CCDC27: variants seen among roughly 807,000 people sequenced by gnomAD.
CCDC27 encodes coiled-coil domain-containing protein 27.
Under a neutral mutation model 80.3 loss-of-function variants are expected in CCDC27, and 80 were observed. The observed-to-expected ratio is 1.00, with a 90% CI of 0.83 to 1.20. The LOEUF (loss-of-function observed/expected upper bound fraction) is 1.20. Ranked by LOEUF, CCDC27 falls within the 50% of genes most tolerant of loss-of-function variation. The pLI is 0.00. For missense variants in CCDC27, 815 were observed against 809.4 expected, an observed-to-expected ratio of 1.01 and a Z score of -0.08; for synonymous variants, 342 against 334.3, an observed-to-expected ratio of 1.02 and a Z score of -0.25.
In CCDC27 at chr1:3,769,366, A is replaced by G. The variant is rs1053872105; in HGVS notation, c.1744-417A>G. ...ACCAGCAGCGCACTGTTAAATGCCT[A>G]AAGTGAGAGTGTCCCCAAGGGCCAG... is the stretch of plus-strand genomic sequence containing the variant. On this transcript the variant is annotated intron_variant, in intron 10 of 11. Coordinates refer to ENST00000294600, the MANE Select transcript of CCDC27 (RefSeq NM_152492.3). This position sits in a 1 kb window ranked among gnomAD's most constrained non-coding sequence, Gnocchi z 4.6. Among the ~76,000 whole-genome samples, 1 of 152,198 alleles carries G rather than the reference A, an allele frequency of 6.6e-6. No homozygotes were observed. The highest frequency in any genetic ancestry group is 1.5e-5 in the Non-Finnish European group (1 of 68,030).
At chr1:3,765,063 G>A (rs1435938932) in intron 8 of CCDC27, among the ~76,000 whole-genome samples, 2 of 152,108 alleles carry the variant, frequency 1.3e-5, no homozygotes, top group Middle Eastern at 3.4e-3. Flanking sequence ...CGATGAACAG[G>A]GGTAAAGTTT....
Position 3,752,801 on chromosome 1 carries a change from T to C in CCDC27, c.318+2T>C, listed in dbSNP as rs149388135. 1 of 1,609,332 alleles carries C rather than the reference T, an allele frequency of 6.2e-7. No homozygotes were observed. The highest frequency in any genetic ancestry group is 8.5e-7 in the Non-Finnish European group (1 of 1,176,868). On this transcript the variant is annotated splice_donor_variant, in intron 1 of 11. Coordinates refer to ENST00000294600, the MANE Select transcript of CCDC27 (RefSeq NM_152492.3). LOFTEE classifies it high-confidence loss of function. ...ATCAGCCGCTACTACAGGAAGACGG[T>C]ATGGGGTCCCGGGAGGAGGGCTGCC...
chr1:3,758,542 G>A (rs1048908339), intron 4 of CCDC27, among the ~76,000 whole-genome samples: 10 of 152,176 alleles, frequency 6.6e-5, no homozygotes, highest in Non-Finnish European at 5.9e-5. Flanking sequence ...GCAATGGCAC[G>A]ATCAGAGCTC....
Position 3,763,667 on chromosome 1 carries a change from C to T in CCDC27, c.1322-39C>T, listed in dbSNP as rs764511793. On this transcript the variant is annotated intron_variant, in intron 7 of 11. Coordinates refer to ENST00000294600, the MANE Select transcript of CCDC27 (RefSeq NM_152492.3). The surrounding 1 kb of genome is among the most constrained non-coding windows in gnomAD (Gnocchi z 7.5). ...CCTCTCCTTCTGTCCCTCACTGCCC[C>T]TGCTTGCTCCTGCTCACCGCCTCTG... The T allele has an allele frequency of 1.2e-6, 2 of 1,612,238 alleles. No individual in the cohort carries two copies. The highest frequency in any genetic ancestry group is 1.1e-5 in the South Asian group (1 of 90,862).
At chr1:3,757,740 G>A (rs546856490) in intron 4 of CCDC27, among the ~76,000 whole-genome samples, 5 of 151,982 alleles carry the variant, frequency 3.3e-5, no homozygotes, top group African/African-American at 4.8e-5. Context: ...TGGCTAACAC[G>A]CGAAACCCCG....
Position 3,767,337 on chromosome 1 carries a change from C to T in CCDC27, c.1635C>T (p.Asn545=). The change falls in exon 10 of 12, where the codon AAC becomes AAT. Residue 545 remains asparagine (N), a synonymous_variant. Coordinates refer to ENST00000294600, the MANE Select transcript of CCDC27 (RefSeq NM_152492.3). ...AGGAGCAGGTGGAACTGGACCAGAA[C>T]CACCTGCAGAGGTGGAAGCAGCTGC... is the stretch of plus-strand genomic sequence containing the variant. The part of the protein sequence containing the change: ...QLQEQVELDQ[N]HLQRWKQLQE... 2 of 1,613,998 alleles carry T rather than the reference C, an allele frequency of 1.2e-6. No homozygotes were observed. The highest frequency in any genetic ancestry group is 1.1e-5 in the South Asian group (1 of 91,088).
In CCDC27 at chr1:3,769,193, T is replaced by A; in HGVS notation, c.1744-590T>A. 6.6e-6 allele frequency among the ~76,000 whole-genome samples: 1 copy of A among 152,116 alleles called. No homozygotes were observed. The highest frequency in any genetic ancestry group is 1.9e-4 in the East Asian group (1 of 5,188). ...CCTGGGAGGCACGATTAGCTACCTC[T>A]GGGGAGGCGGCTGCGGGTGTACAGG... On this transcript the variant is annotated intron_variant, in intron 10 of 11. Coordinates refer to ENST00000294600, the MANE Select transcript of CCDC27 (RefSeq NM_152492.3). This position sits in a 1 kb window ranked among gnomAD's most constrained non-coding sequence, Gnocchi z 4.6.
chr1:3,763,405 T>C lies in CCDC27; in HGVS notation c.1252T>C (p.Tyr418His). ...GGAGCTGCTGGCCCAGCTGGAGGAG[T>C]ACGAGCAGGTCATCCTGGACTTCCA... is the stretch of plus-strand genomic sequence containing the variant. Reference protein sequence around the residue: ...EEELLAQLEEYEQVILDFQFN... With the variant: ...EEELLAQLEEHEQVILDFQFN... The change falls in exon 7 of 12, where the codon TAC becomes CAC. Residue 418 changes from tyrosine (Y) to histidine (H), a missense_variant. By Grantham distance (83) the Tyr-to-His change is moderately conservative. Coordinates refer to ENST00000294600, the MANE Select transcript of CCDC27 (RefSeq NM_152492.3). This position sits in a 1 kb window ranked among gnomAD's most constrained non-coding sequence, Gnocchi z 7.5. 6.2e-7 allele frequency: 1 copy of C among 1,611,948 alleles called. No homozygotes were observed. Among genetic ancestry groups the C allele is most frequent in the Non-Finnish European group, 8.5e-7 (1 of 1,179,612 alleles).
rs1643298889 is a variant in CCDC27 at position 3,769,094 on chromosome 1, G to A, written c.1744-689G>A. Among the ~76,000 whole-genome samples, 1 of 152,186 alleles carries A rather than the reference G, an allele frequency of 6.6e-6. No homozygotes were observed. Among genetic ancestry groups the A allele is most frequent in the Non-Finnish European group, 1.5e-5 (1 of 68,026 alleles). On this transcript the variant is annotated intron_variant, in intron 10 of 11. Transcript: ENST00000294600. This position sits in a 1 kb window ranked among gnomAD's most constrained non-coding sequence, Gnocchi z 4.6. ...TTTCTGGACGAGGAACTCGTGCTGA[G>A]CGTGCCGCATAACTCAAGGGGTTCC...
In CCDC27 at chr1:3,768,982, G is replaced by A. The variant is rs750341219; in HGVS notation, c.1744-801G>A. On this transcript the variant is annotated intron_variant, in intron 10 of 11. Transcript: ENST00000294600. The surrounding 1 kb of genome is among the most constrained non-coding windows in gnomAD (Gnocchi z 5.6). ...TTCCTGCTGTCACTTAAACCTGTCC[G>A]AGCGGCAGTGTGGACATGCTTCCAC... Among the ~76,000 whole-genome samples, 7 of 152,198 alleles carry A rather than the reference G, an allele frequency of 4.6e-5. No individual in the cohort carries two copies. Among genetic ancestry groups the A allele is most frequent in the Non-Finnish European group, 1.0e-4 (7 of 68,044 alleles).
At position 3,769,120 on chromosome 1, in the gene CCDC27, T is replaced by A. The variant is rs1396293256; in HGVS notation, c.1744-663T>A. Among the ~76,000 whole-genome samples the A allele has an allele frequency of 6.6e-6, 1 of 152,194 alleles. No homozygotes were observed. Among genetic ancestry groups the A allele is most frequent in the Non-Finnish European group, 1.5e-5 (1 of 68,038 alleles). On this transcript the variant is annotated intron_variant, in intron 10 of 11. Transcript: ENST00000294600. The surrounding 1 kb of genome is among the most constrained non-coding windows in gnomAD (Gnocchi z 4.6). Reference sequence around the variant, plus strand: ...CGTGCCGCATAACTCAAGGGGTTCCTGTCTGAGGCTCCTGGGGTGCAGATT... The same window carrying A: ...CGTGCCGCATAACTCAAGGGGTTCCAGTCTGAGGCTCCTGGGGTGCAGATT...
chr1:3,766,545 T>G lies in CCDC27; in HGVS notation c.1463T>G (p.Leu488Arg). 1 of 1,613,326 alleles carries G rather than the reference T, an allele frequency of 6.2e-7. No individual in the cohort carries two copies. Among genetic ancestry groups the G allele is most frequent in the Admixed American group, 1.7e-5 (1 of 59,902 alleles). Residue 488 changes from leucine to arginine, a missense_variant, in exon 9 of 12, where the codon CTC becomes CGC. By Grantham distance (102) the Leu-to-Arg change is moderately radical (BLOSUM62 -2). Coordinates refer to ENST00000294600, the MANE Select transcript of CCDC27 (RefSeq NM_152492.3). This position sits in a 1 kb window ranked among gnomAD's most constrained non-coding sequence, Gnocchi z 6.1. Reference sequence around the variant, plus strand: ...TCTGTCTCCTTCCAGTTCTCCAACCTCCGAGAAGATAAGAAACACCAAGAG... The same window carrying G: ...TCTGTCTCCTTCCAGTTCTCCAACCGCCGAGAAGATAAGAAACACCAAGAG... ...LQAMTDKFSN[L>R]REDKKHQEMM... is the part of the protein sequence containing the mutation.
In CCDC27 at chr1:3,769,749, A is replaced by C. The variant is rs1234631352; in HGVS notation, c.1744-34A>C. On this transcript the variant is annotated intron_variant, in intron 10 of 11. Coordinates refer to ENST00000294600, the MANE Select transcript of CCDC27 (RefSeq NM_152492.3). The surrounding 1 kb of genome is among the most constrained non-coding windows in gnomAD (Gnocchi z 4.6). ...CACTGGCCAGGTGCCTTCTTGGGTA[A>C]AGGCGAATGATAGTGTTGTCCCTTT... 6.5e-7 allele frequency: 1 copy of C among 1,535,656 alleles called. No individual in the cohort carries two copies. Among genetic ancestry groups the C allele is most frequent in the African/African-American group, 1.4e-5 (1 of 73,344 alleles).
chr1:3,761,972 G>A lies in CCDC27; in HGVS notation c.861+542G>A, dbSNP rs1189096023. Among the ~76,000 whole-genome samples the A allele has an allele frequency of 6.8e-6, 1 of 146,618 alleles. No individual in the cohort carries two copies. Among genetic ancestry groups the A allele is most frequent in the Non-Finnish European group, 1.5e-5 (1 of 66,464 alleles). On this transcript the variant is annotated intron_variant, in intron 5 of 11. Transcript: ENST00000294600. This position sits in a 1 kb window ranked among gnomAD's most constrained non-coding sequence, Gnocchi z 5.0. ...AGCCCCCTGCGAGGTTGGGCATGGGGTTGGGGTGGGGGTGGGGTAGAGGTG... is the reference window on the plus strand; with the variant it reads ...AGCCCCCTGCGAGGTTGGGCATGGGATTGGGGTGGGGGTGGGGTAGAGGTG...
chr1:3,761,439 GC>G lies in CCDC27; in HGVS notation c.861+13del. 6.2e-7 allele frequency: 1 copy of G among 1,613,066 alleles called. No individual in the cohort carries two copies. The highest frequency in any genetic ancestry group is 1.3e-5 in the African/African-American group (1 of 75,034). ...TGTCCCCAGGCAGGAGGGTGAGCCA[GC>G]CCCAGCGGGGCACAGCGCAGAGCTC... On this transcript the variant is annotated intron_variant, in intron 5 of 11. Coordinates refer to ENST00000294600, the MANE Select transcript of CCDC27 (RefSeq NM_152492.3). This position sits in a 1 kb window ranked among gnomAD's most constrained non-coding sequence, Gnocchi z 5.0.
intron 11 of CCDC27, among the ~76,000 whole-genome samples, 153 bp from the exon 12 acceptor site, chr1:3,771,248 A>G (rs1052505300): frequency 6.6e-6 from 1 of 152,154 alleles, no homozygotes; most frequent in African/African-American, 2.4e-5. Context: ...GCCGGTTGTA[A>G]GTATTCACCA....
chr1:3,762,594 C>T (rs1643113912), intron 5 of CCDC27, 26 bp from the exon 6 acceptor site: 1 of 1,545,162 alleles, frequency 6.5e-7, no homozygotes, highest in Non-Finnish European at 8.8e-7. Context: ...GGCTGGAAAG[C>T]TGAGGGTCCC....
At chr1:3,762,830 G>A in intron 6 of CCDC27, 118 bp downstream of exon 6, 1 of 1,026,294 alleles carries the variant, frequency 9.7e-7, no homozygotes, top group South Asian at 1.6e-5. Flanking sequence ...GACCTGGGGT[G>A]CCCCACTCCA....
Position 3,763,572 on chromosome 1 carries a change from G to A in CCDC27, c.1321+98G>A. ...CGCTGCCTGCTCTGGTCAGTGAGCT[G>A]GAGCAGGGGCAGGTGTCGGCAGCCT... On this transcript the variant is annotated intron_variant, in intron 7 of 11. Transcript: ENST00000294600. The surrounding 1 kb of genome is among the most constrained non-coding windows in gnomAD (Gnocchi z 7.5). 6.5e-7 allele frequency: 1 copy of A among 1,549,976 alleles called. No homozygotes were observed. Among genetic ancestry groups the A allele is most frequent in the Non-Finnish European group, 8.7e-7 (1 of 1,143,852 alleles).
Sources: gnomAD v4.1 joint callset for allele counts (sites outside exome capture counted in the v4.1 genomes callset) on GRCh38, gnomAD v4.1.1 for gene constraint, Gnocchi (gnomAD v3.1) non-coding constraint, MANE v1.5 for transcripts, NCBI Gene and HGNC (gene_info 2026-07-23, HGNC 2026-07-21) for gene names.